Variants in MAGI2 observed in about 807,000 individuals in gnomAD.
MAGI2 encodes the protein membrane-associated guanylate kinase, WW and PDZ domain-containing protein 2.
Under a neutral mutation model 133.3 loss-of-function variants are expected in MAGI2, and 35 were observed. That is an observed-to-expected ratio of 0.26 (90% confidence interval 0.20 to 0.35). The LOEUF (loss-of-function observed/expected upper bound fraction) is 0.35. Among genes scored for constraint, MAGI2 ranks in the 10% least tolerant of loss-of-function variants. MAGI2 has a pLI of 1.00. For missense variants in MAGI2, 1,636 were observed against 1,863.4 expected, an observed-to-expected ratio of 0.88 and a Z score of 2.25; for synonymous variants, 729 against 710.6, an observed-to-expected ratio of 1.03 and a Z score of -0.41.
intron 5 of MAGI2, among the ~76,000 whole-genome samples, chr7:78,499,933 T>A (rs1406689574): frequency 1.3e-5 from 2 of 152,236 alleles, no homozygotes. Flanking sequence ...TTATTTTTAA[T>A]AGGTCACTTT....
chr7:78,430,977 C>T (rs2151431159), intron 6 of MAGI2, among the ~76,000 whole-genome samples: 1 of 151,962 alleles, frequency 6.6e-6, no homozygotes, highest in South Asian at 2.1e-4. Context: ...ACAGGTTTGC[C>T]TGAGCATATA....
At chr7:79,236,461 G>A (rs1470744029) in intron 1 of MAGI2, among the ~76,000 whole-genome samples, 1 of 152,174 alleles carries the variant, frequency 6.6e-6, no homozygotes, top group Non-Finnish European at 1.5e-5. Context: ...CTGGTTTTAT[G>A]AAAAAGATTC....
At chr7:79,325,698 T>C (rs570730882) in intron 1 of MAGI2, among the ~76,000 whole-genome samples, 13 of 152,162 alleles carry the variant, frequency 8.5e-5, no homozygotes, top group African/African-American at 3.1e-4. Flanking sequence ...ACTCGGAGGG[T>C]GTAATGAAAT....
chr7:79,216,591 T>C (rs1324055166), intron 1 of MAGI2, among the ~76,000 whole-genome samples: 2 of 152,012 alleles, frequency 1.3e-5, no homozygotes, highest in South Asian at 2.1e-4. Flanking sequence ...CAAAAAAGCT[T>C]GCCCAGATCC....
chr7:79,133,044 T>C (rs1821081889), intron 1 of MAGI2, among the ~76,000 whole-genome samples: 2 of 152,160 alleles, frequency 1.3e-5, no homozygotes, highest in African/African-American at 4.8e-5. Context: ...AGATTCTGCT[T>C]ACCAGTCCTT....
intron 2 of MAGI2, among the ~76,000 whole-genome samples, chr7:78,900,004 G>A (rs1216061129): frequency 6.6e-6 from 1 of 152,154 alleles, no homozygotes; most frequent in African/African-American, 2.4e-5. Context: ...AAAAGTGGAT[G>A]CATTCTGAGA....
chr7:79,290,575 T>G (rs1836394860), intron 1 of MAGI2, among the ~76,000 whole-genome samples: 1 of 152,028 alleles, frequency 6.6e-6, no homozygotes, highest in African/African-American at 2.4e-5. Context: ...CCTCATTTTT[T>G]TTTCTGGCTT....
intron 1 of MAGI2, among the ~76,000 whole-genome samples, chr7:79,115,651 A>C (rs1373804650): frequency 1.3e-5 from 2 of 152,044 alleles, no homozygotes; most frequent in African/African-American, 2.4e-5. Flanking sequence ...TAACCATTTC[A>C]TGTATGGTCT....
chr7:78,439,421 G>C (rs942857893), intron 6 of MAGI2, among the ~76,000 whole-genome samples: 3 of 152,136 alleles, frequency 2.0e-5, no homozygotes, highest in African/African-American at 7.2e-5. Context: ...GGATTTGAGG[G>C]ATAAGATAAA....
At chr7:78,612,161 A>T (rs543396352) in intron 3 of MAGI2, among the ~76,000 whole-genome samples, 38 of 152,286 alleles carry the variant, frequency 2.5e-4, no homozygotes, top group African/African-American at 9.1e-4. Flanking sequence ...AGTTATAAAC[A>T]TTTACATGAA....
intron 2 of MAGI2, among the ~76,000 whole-genome samples, chr7:78,788,087 C>G (rs1363876447): frequency 1.3e-5 from 2 of 152,148 alleles, no homozygotes; most frequent in Admixed American, 1.3e-4. Context: ...TGAGCTTGTG[C>G]AAAGCAGTGA....
At chr7:79,135,256 A>T (rs1279931402) in intron 1 of MAGI2, among the ~76,000 whole-genome samples, 1 of 152,182 alleles carries the variant, frequency 6.6e-6, no homozygotes, top group Admixed American at 6.5e-5. Context: ...GAAATGGATC[A>T]AGTTATTGAA....
In MAGI2 at chr7:78,247,285, C is replaced by T. The variant is rs117453593; in HGVS notation, c.2047+8658G>A. ...ATAGCCTAGGCTGCTGAGACATCAT[C>T]GCAAATGTTAATTGCAGCTGAAGAA... On this transcript the variant is annotated intron_variant, in intron 10 of 21. Transcript: ENST00000354212. 6.4e-3 allele frequency among the ~76,000 whole-genome samples: 976 copies of T among 152,142 alleles called. 24 individuals carry two copies. The highest frequency in any genetic ancestry group is 0.052 in the East Asian group (270 of 5,162).
chr7:78,926,899 A>T (rs1416578898), intron 2 of MAGI2, among the ~76,000 whole-genome samples: 4 of 151,738 alleles, frequency 2.6e-5, no homozygotes, highest in South Asian at 4.2e-4. Flanking sequence ...TAAACTTGTC[A>T]CTGAGGGGAA....
chr7:78,750,643 A>G (rs1823369557), intron 2 of MAGI2, among the ~76,000 whole-genome samples: 1 of 152,192 alleles, frequency 6.6e-6, no homozygotes, highest in Non-Finnish European at 1.5e-5. Context: ...ATACATTAGG[A>G]AGATAAACTG....
At chr7:79,171,747 T>A (rs1252184500) in intron 1 of MAGI2, among the ~76,000 whole-genome samples, 354 of 25,482 alleles carry the variant, frequency 0.014, 9 homozygotes, top group African/African-American at 0.034. Flanking sequence ...GCCAAAAATA[T>A]ATATATATAT....
chr7:78,597,299 G>A (rs541957514), intron 3 of MAGI2, among the ~76,000 whole-genome samples: 29 of 149,014 alleles, frequency 1.9e-4, no homozygotes, highest in African/African-American at 3.0e-4. Flanking sequence ...ACATTATAAC[G>A]TATACTTCTC....
At chr7:78,565,475 A>T (rs1043763405) in intron 3 of MAGI2, among the ~76,000 whole-genome samples, 12 of 120,670 alleles carry the variant, frequency 9.9e-5, no homozygotes, top group Admixed American at 9.2e-4. Context: ...CTAAAACGCT[A>T]AAAAAAAAAA....
At chr7:79,022,443 C>A (rs1277921903) in intron 1 of MAGI2, among the ~76,000 whole-genome samples, 1 of 151,874 alleles carries the variant, frequency 6.6e-6, no homozygotes, top group Non-Finnish European at 1.5e-5. Flanking sequence ...TGAAATTAAC[C>A]ACCCAACATC....
Sources: gnomAD v4.1 joint callset for allele counts (sites outside exome capture counted in the v4.1 genomes callset) on GRCh38, gnomAD v4.1.1 for gene constraint, MANE v1.5 for transcripts, NCBI Gene and HGNC (gene_info 2026-07-23, HGNC 2026-07-21) for gene names.